The following OXNAD1 variants were observed in gnomAD, a reference collection of about 807,000 sequenced individuals.
OXNAD1 encodes oxidoreductase NAD binding domain containing 1, also known as oxidoreductase NAD-binding domain-containing protein 1.
Under a neutral mutation model 32.9 loss-of-function variants are expected in OXNAD1, and 34 were observed. That is an observed-to-expected ratio of 1.03 (90% CI 0.79 to 1.38). The LOEUF (loss-of-function observed/expected upper bound fraction) is 1.38, where lower values mean the gene tolerates loss of function less well. Ranked by LOEUF, OXNAD1 falls within the 40% of genes most tolerant of loss-of-function variation. The pLI, the probability that OXNAD1 is intolerant of heterozygous loss-of-function variation, is 0.00. For missense variants in OXNAD1, 407 were observed against 379.4 expected, an observed-to-expected ratio of 1.07 and a Z score of -0.60; for synonymous variants, 134 against 135.2, an observed-to-expected ratio of 0.99 and a Z score of 0.06.
At chr3:16,338,072 A>G (rs2071030963), downstream of OXNAD1, among the ~76,000 whole-genome samples, 1 of 152,158 alleles carries the variant, frequency 6.6e-6, no homozygotes, top group Non-Finnish European at 1.5e-5. This position sits in a 1 kb window ranked among gnomAD's most constrained non-coding sequence, Gnocchi z 5.3. Context: ...AGAAAACCAA[A>G]CCTGCATGTG....
rs1037340045 is a variant in OXNAD1 at position 16,348,088 on chromosome 3, A to G, written c.*31-1088A>G. The G allele has an allele frequency of 6.6e-6, 1 of 151,960 alleles. No homozygotes were observed. The highest frequency in any genetic ancestry group is 1.5e-5 in the Non-Finnish European group (1 of 68,010). 9.4% of individuals were successfully genotyped at this position (151,960 alleles called of 1,614,324 possible). A position where few individuals can be genotyped will look rare whatever the true frequency, so the allele number is the denominator to read the frequency against. On this transcript the variant is annotated intron_variant, in intron 9 of 9. Coordinates refer to the OXNAD1 transcript ENST00000606098. This position sits in a 1 kb window ranked among gnomAD's most constrained non-coding sequence, Gnocchi z 6.3. Reference sequence around the variant, plus strand: ...AGGCCAGGGAGCAGGGCTTTCATACACCCACACTCCTCTGTCATCGACGAG... The same window carrying G: ...AGGCCAGGGAGCAGGGCTTTCATACGCCCACACTCCTCTGTCATCGACGAG...
intron 9 of OXNAD1, chr3:16,326,657 A>C: frequency 1.3e-6 from 1 of 751,930 alleles, no homozygotes; most frequent in Non-Finnish European, 2.1e-6. Flanking sequence ...AGTTTACATA[A>C]CTACCAGCCT....
Position 16,271,189 on chromosome 3 carries a change from ATGC to A in OXNAD1, c.119+121_119+123del. ...AGGTAACACCTTAGCTTCAATGTGC[ATGC>A]TGTCAGGTTGTTAACCGTTTTTTTT... is the stretch of plus-strand genomic sequence containing the variant. On this transcript the variant is annotated intron_variant, in intron 3 of 8. Coordinates refer to ENST00000285083, the MANE Select transcript of OXNAD1 (RefSeq NM_138381.5). This position sits in a 1 kb window ranked among gnomAD's most constrained non-coding sequence, Gnocchi z 4.6. 8.1e-7 allele frequency: 1 copy of A among 1,242,134 alleles called. No homozygotes were observed. Among genetic ancestry groups the A allele is most frequent in the South Asian group, 1.4e-5 (1 of 70,216 alleles). 76.9% of individuals were successfully genotyped at this position (1,242,134 alleles called of 1,614,324 possible).
downstream of OXNAD1, among the ~76,000 whole-genome samples, chr3:16,338,979 C>G (rs1176732071): frequency 2.6e-5 from 4 of 152,142 alleles, no homozygotes; most frequent in Non-Finnish European, 2.9e-5. The surrounding 1 kb of genome is among the most constrained non-coding windows in gnomAD (Gnocchi z 5.3). Context: ...CAGAAGAGGT[C>G]TCTGAATAAA....
At chr3:16,319,101 A>G (rs1001798091) in intron 9 of OXNAD1, among the ~76,000 whole-genome samples, 1 of 152,174 alleles carries the variant, frequency 6.6e-6, no homozygotes, top group African/African-American at 2.4e-5. Flanking sequence ...CTGCCGTTGC[A>G]TTTTAATTCC....
rs549136895 is a variant in OXNAD1, at chr3:16,296,469, A to G, written c.432+1472A>G. On this transcript the variant is annotated intron_variant, in intron 6 of 8. Transcript: ENST00000285083. The stretch of plus-strand genomic sequence containing the variant: ...CAGGATTTTTTATAGATATGGACAA[A>G]GTGATTTTAAAATTTATATGGAACA... 6.6e-5 allele frequency among the ~76,000 whole-genome samples: 10 copies of G among 152,348 alleles called. No individual in the cohort carries two copies. The South Asian group carries it at 2.1e-3, about 32-fold the overall frequency.
At chr3:16,295,665 G>A (rs1440102175) in intron 6 of OXNAD1, among the ~76,000 whole-genome samples, 1 of 152,046 alleles carries the variant, frequency 6.6e-6, no homozygotes, top group East Asian at 1.9e-4. Flanking sequence ...TTCACTTATT[G>A]CTTTTTCTAT....
intron 9 of OXNAD1, among the ~76,000 whole-genome samples, chr3:16,325,022 C>T (rs6442596): frequency 0.88 from 133,623 of 152,164 alleles, 58,999 homozygotes; most frequent in African/African-American, 0.97. Context: ...CTATATCTCA[C>T]TGTGGTTTTA....
Position 16,277,309 on chromosome 3 carries a change from A to G in OXNAD1, c.183+5587A>G, listed in dbSNP as rs140710006. On this transcript the variant is annotated intron_variant, in intron 4 of 8. Coordinates refer to ENST00000285083, the MANE Select transcript of OXNAD1 (RefSeq NM_138381.5). This position sits in a 1 kb window ranked among gnomAD's most constrained non-coding sequence, Gnocchi z 4.3. ...GTTGGGAGGAACTGGAGAAAGCTAG[A>G]TGGTATCTGGCTTTCTCAGCAGTAT... is the stretch of plus-strand genomic sequence containing the variant. Among the ~76,000 whole-genome samples the G allele has an allele frequency of 1.3e-5, 2 of 152,222 alleles. No homozygotes were observed. Among genetic ancestry groups the G allele is most frequent in the African/African-American group, 4.8e-5 (2 of 41,536 alleles).
At chr3:16,306,260 C>T (rs1283511664), downstream of OXNAD1, among the ~76,000 whole-genome samples, 1 of 152,242 alleles carries the variant, frequency 6.6e-6, no homozygotes, top group Non-Finnish European at 1.5e-5. Flanking sequence ...GTGCATCCAT[C>T]ACCCGGCTTC....
chr3:16,300,142 C>G (rs2067076167), intron 6 of OXNAD1, among the ~76,000 whole-genome samples: 1 of 152,152 alleles, frequency 6.6e-6, no homozygotes, highest in Non-Finnish European at 1.5e-5. Flanking sequence ...CGGTCAGATC[C>G]AATGCTCCTT....
intron 9 of OXNAD1, among the ~76,000 whole-genome samples, chr3:16,325,731 T>C (rs1373480486): frequency 6.6e-6 from 1 of 152,188 alleles, no homozygotes; most frequent in East Asian, 1.9e-4. Flanking sequence ...ACTGACCCAC[T>C]GTGACCTAAT....
At chr3:16,338,614 G>A (rs1184001452), downstream of OXNAD1, among the ~76,000 whole-genome samples, 1 of 152,184 alleles carries the variant, frequency 6.6e-6, no homozygotes, top group African/African-American at 2.4e-5. This position sits in a 1 kb window ranked among gnomAD's most constrained non-coding sequence, Gnocchi z 5.3. Flanking sequence ...GACTTGCCAG[G>A]TCCCTCCTAC....
In OXNAD1 at chr3:16,316,715, AAGCCAAAGGGT is replaced by A. The variant is rs2068429309; in HGVS notation, c.*30+13126_*30+13136del. On this transcript the variant is annotated intron_variant, in intron 9 of 9. Transcript: ENST00000435829. This position sits in a 1 kb window ranked among gnomAD's most constrained non-coding sequence, Gnocchi z 4.5. ...TGAGCTCACAAGGAGAGGTCAAGCCAAGCCAAAGGGTAGGTAACACACAACACCAGGGAAAC... is the reference window on the plus strand; with the variant it reads ...TGAGCTCACAAGGAGAGGTCAAGCCAAGGTAACACACAACACCAGGGAAAC... 7.5e-7 allele frequency: 1 copy of A among 1,337,400 alleles called. No individual in the cohort carries two copies. Among genetic ancestry groups the A allele is most frequent in the Non-Finnish European group, 1.1e-6 (1 of 945,086 alleles). The allele number at this position is 1,337,400 out of a possible 1,614,324, so 82.8% of individuals were successfully genotyped here. A position where few individuals can be genotyped will look rare whatever the true frequency, so the allele number is the denominator to read the frequency against.
chr3:16,277,367 G>C lies in OXNAD1; in HGVS notation c.183+5645G>C, dbSNP rs2065422362. On this transcript the variant is annotated intron_variant, in intron 4 of 8. Transcript: ENST00000285083. The surrounding 1 kb of genome is among the most constrained non-coding windows in gnomAD (Gnocchi z 4.3). ...TTAGGAACTTGCCCCAATCTCCAGA[G>C]GGTGCTCCTAGCCATAGAGTAGGGG... is the stretch of plus-strand genomic sequence containing the variant. Among the ~76,000 whole-genome samples, 1 of 152,170 alleles carries C rather than the reference G, an allele frequency of 6.6e-6. No individual in the cohort carries two copies. The highest frequency in any genetic ancestry group is 6.5e-5 in the Admixed American group (1 of 15,272).
rs906855481 is a variant in OXNAD1, at chr3:16,314,171, A to G, written c.*30+10579A>G. 1.3e-5 allele frequency among the ~76,000 whole-genome samples: 2 copies of G among 152,040 alleles called. No homozygotes were observed. Among genetic ancestry groups the G allele is most frequent in the African/African-American group, 4.8e-5 (2 of 41,436 alleles). On this transcript the variant is annotated intron_variant, in intron 9 of 9. Coordinates refer to the OXNAD1 transcript ENST00000435829. The surrounding 1 kb of genome is among the most constrained non-coding windows in gnomAD (Gnocchi z 4.4). ...AACTGCCAAGTGCACAAGCTTCCTC[A>G]TGCCAAACCCTGTATGTCTTTGTGG... is the stretch of plus-strand genomic sequence containing the variant.
Position 16,301,934 on chromosome 3 carries a change from T to G in OXNAD1, c.675+66T>G. 6.5e-7 allele frequency: 1 copy of G among 1,546,092 alleles called. No homozygotes were observed. The highest frequency in any genetic ancestry group is 8.7e-7 in the Non-Finnish European group (1 of 1,148,390). On this transcript the variant is annotated intron_variant, in intron 7 of 8. Coordinates refer to ENST00000285083, the MANE Select transcript of OXNAD1 (RefSeq NM_138381.5). The surrounding 1 kb of genome is among the most constrained non-coding windows in gnomAD (Gnocchi z 4.1). ...GGTATTAATTGTTCATGAAAGTTTT[T>G]TCTCTAGGTTTTGTTTTCTCTGCAA... is the stretch of plus-strand genomic sequence containing the variant.
rs772384407 is a variant in OXNAD1, at chr3:16,344,204, A to G, written c.*31-4972A>G. On this transcript the variant is annotated intron_variant, in intron 9 of 9. Coordinates refer to the OXNAD1 transcript ENST00000606098. This position sits in a 1 kb window ranked among gnomAD's most constrained non-coding sequence, Gnocchi z 4.4. ...TTTGTTGATACTTAAATGTATTCCT[A>G]TTACATTTTATTGGGCTGGTTTTTG... Among the ~76,000 whole-genome samples the G allele has an allele frequency of 6.6e-6, 1 of 152,182 alleles. No individual in the cohort carries two copies. Among genetic ancestry groups the G allele is most frequent in the Non-Finnish European group, 1.5e-5 (1 of 68,030 alleles).
intron 9 of OXNAD1, chr3:16,323,327 G>A: frequency 1.5e-6 from 2 of 1,370,068 alleles, no homozygotes; most frequent in South Asian, 2.3e-5. Flanking sequence ...ATCCACTGAA[G>A]ATGAAGCCCT....
Sources: allele counts gnomAD v4.1 joint callset (sites outside exome capture counted in the v4.1 genomes callset), GRCh38; gene constraint gnomAD v4.1.1; non-coding constraint Gnocchi (gnomAD v3.1); transcripts MANE v1.5; gene names NCBI Gene and HGNC (gene_info 2026-07-23, HGNC 2026-07-21).